Variants in TC2N observed in about 807,000 individuals in gnomAD.
TC2N encodes tandem C2 domains, nuclear.
TC2N carries 51 observed loss-of-function variants against 61.9 expected under a neutral mutation model. The ratio of observed to expected loss-of-function variants is 0.82; its 90% CI spans 0.66 to 1.04. The LOEUF (loss-of-function observed/expected upper bound fraction) is 1.04. Among genes scored for constraint, TC2N ranks in the 50% least tolerant of loss-of-function variants. The probability of loss-of-function intolerance (pLI) is 0.00; values close to 1 mark genes in which losing one functional copy is unlikely to be tolerated. For synonymous variants in TC2N, 204 were observed against 192.6 expected (o/e 1.06, Z -0.49); for missense variants, 556 against 566.7 (o/e 0.98, Z 0.19).
chr14:91,825,200 A>C (rs1426690842), intron 1 of TC2N, among the ~76,000 whole-genome samples: 1 of 151,390 alleles, frequency 6.6e-6, no homozygotes, highest in African/African-American at 2.4e-5. Flanking sequence ...TGCCCGGCTA[A>C]TTTTTGTATT....
At chr14:91,839,231 T>C (rs1015657947) in intron 1 of TC2N, among the ~76,000 whole-genome samples, 1 of 152,214 alleles carries the variant, frequency 6.6e-6, no homozygotes, top group African/African-American at 2.4e-5. Flanking sequence ...TTTGACCTAC[T>C]GAAGGAATTG....
At chr14:91,809,036 A>G (rs1200376207) in intron 3 of TC2N, among the ~76,000 whole-genome samples, 2 of 152,222 alleles carry the variant, frequency 1.3e-5, no homozygotes, top group African/African-American at 4.8e-5. Flanking sequence ...ACTTTTTAAA[A>G]CTATTTTTGA....
chr14:91,847,108 A>G (rs532493995), intron 1 of TC2N, among the ~76,000 whole-genome samples: 2 of 152,142 alleles, frequency 1.3e-5, no homozygotes, highest in Non-Finnish European at 2.9e-5. Flanking sequence ...AACTACAAAA[A>G]TTAGCCAGGC....
intron 3 of TC2N, among the ~76,000 whole-genome samples, chr14:91,805,394 C>T (rs760120676): frequency 6.6e-6 from 1 of 152,228 alleles, no homozygotes; most frequent in African/African-American, 2.4e-5. Context: ...TTAGGCCAGG[C>T]ATGGCGGCTT....
intron 3 of TC2N, among the ~76,000 whole-genome samples, chr14:91,807,281 G>A (rs980576296): frequency 2.0e-5 from 3 of 152,214 alleles, no homozygotes; most frequent in Non-Finnish European, 4.4e-5. Flanking sequence ...CTGCCTAGTA[G>A]AGCTGTGAGA....
intron 1 of TC2N, chr14:91,836,246 G>A (rs1027360014): frequency 1.3e-5 from 2 of 152,446 alleles, no homozygotes; most frequent in Non-Finnish European, 2.9e-5. Context: ...GAGCTGCCAG[G>A]TGGGAGAAGC....
chr14:91,841,543 C>T (rs1403081090), intron 1 of TC2N, among the ~76,000 whole-genome samples: 1 of 152,202 alleles, frequency 6.6e-6, no homozygotes, highest in Non-Finnish European at 1.5e-5. Flanking sequence ...TGCTCATCCT[C>T]CTCCTCATGT....
intron 9 of TC2N, among the ~76,000 whole-genome samples, chr14:91,791,675 T>C (rs1046356045): frequency 5.9e-5 from 9 of 152,150 alleles, no homozygotes; most frequent in Non-Finnish European, 8.8e-5. Context: ...TTTCCTAATC[T>C]ATTTCAGGGC....
rs528747268 is a variant in TC2N at position 91,832,305 on chromosome 14, G to A, written c.-56-18480C>T. The stretch of plus-strand genomic sequence containing the variant: ...CTCAGGAGGCTGAGACAGGAGAATC[G>A]CTTGAACCCGGGAGGCAGAAGTTGC... On this transcript the variant is annotated intron_variant, in intron 1 of 11. Coordinates refer to ENST00000435962, the MANE Select transcript of TC2N (RefSeq NM_001128596.3). Among the ~76,000 whole-genome samples the A allele has an allele frequency of 2.7e-5, 4 of 150,652 alleles. No homozygotes were observed. The East Asian group carries it at 5.9e-4, about 22-fold the overall frequency.
intron 1 of TC2N, among the ~76,000 whole-genome samples, chr14:91,822,674 G>A (rs911770739): frequency 6.6e-6 from 1 of 151,648 alleles, no homozygotes; most frequent in Admixed American, 6.6e-5. Context: ...ACTTGGTGGG[G>A]CAGGAGGAAA....
rs189301436 is a variant in TC2N, at chr14:91,816,324, A to C, written c.-56-2499T>G. Reference sequence around the variant, plus strand: ...TACCATGGACTTTTGCCAGTGTGATAGGAAAGAAATGATATACTGTGTTGT... The same window carrying C: ...TACCATGGACTTTTGCCAGTGTGATCGGAAAGAAATGATATACTGTGTTGT... On this transcript the variant is annotated intron_variant, in intron 1 of 11. Transcript: ENST00000435962. Among the ~76,000 whole-genome samples the C allele has an allele frequency of 8.4e-4, 127 of 151,974 alleles. 1 individual carries two copies. The highest frequency in any genetic ancestry group is 4.4e-4 in the Non-Finnish European group (30 of 67,758).
At chr14:91,824,866 A>AT (rs1887420293) in intron 1 of TC2N, among the ~76,000 whole-genome samples, 1 of 152,156 alleles carries the variant, frequency 6.6e-6, no homozygotes, top group Non-Finnish European at 1.5e-5. Context: ...ATGGTGGAGC[A>AT]TTCCAGAAAT....
intron 1 of TC2N, among the ~76,000 whole-genome samples, chr14:91,865,827 T>C (rs1243346138): frequency 1.3e-5 from 2 of 152,200 alleles, no homozygotes; most frequent in East Asian, 3.8e-4. Context: ...TACCACATTA[T>C]ATTCCAGTTT....
intron 1 of TC2N, among the ~76,000 whole-genome samples, chr14:91,853,217 A>T (rs1285435765): frequency 6.6e-6 from 1 of 152,180 alleles, no homozygotes; most frequent in East Asian, 1.9e-4. Context: ...AGTACAGATC[A>T]CTCCAACTGT....
chr14:91,845,085 G>A (rs181832616), intron 1 of TC2N, among the ~76,000 whole-genome samples: 436 of 151,816 alleles, frequency 2.9e-3, no homozygotes, highest in African/African-American at 0.01. Context: ...AAAATTAGCC[G>A]GGTGACGTGG....
intron 1 of TC2N, among the ~76,000 whole-genome samples, chr14:91,843,057 G>A (rs932304675): frequency 3.3e-5 from 5 of 152,072 alleles, no homozygotes; most frequent in Non-Finnish European, 7.4e-5. Flanking sequence ...GAGACTTCAT[G>A]TGTTTCTGCT....
intron 8 of TC2N, among the ~76,000 whole-genome samples, chr14:91,793,662 C>T (rs760991460): frequency 1.2e-4 from 18 of 152,076 alleles, no homozygotes; most frequent in Non-Finnish European, 1.9e-4. Context: ...CGAACCACAC[C>T]TATATAAGAT....
chr14:91,812,153 T>G (rs1244420238), intron 3 of TC2N, 159 bp downstream of exon 3: 1 of 369,088 alleles, frequency 2.7e-6, no homozygotes. Flanking sequence ...ATGGGACCTT[T>G]CAAAACTACT....
intron 1 of TC2N, among the ~76,000 whole-genome samples, chr14:91,865,858 C>A (rs961832425): frequency 4.6e-5 from 7 of 152,012 alleles, no homozygotes; most frequent in African/African-American, 7.3e-5. Context: ...GCTGCATAAA[C>A]CCCTGGCTAA....
Sources: gnomAD v4.1 joint callset for allele counts (sites outside exome capture counted in the v4.1 genomes callset) on GRCh38, gnomAD v4.1.1 for gene constraint, MANE v1.5 for transcripts, NCBI Gene and HGNC (gene_info 2026-07-23, HGNC 2026-07-21) for gene names.